Variants in PARD3B observed in about 807,000 individuals in gnomAD.
The protein encoded by PARD3B is partitioning defective 3 homolog B.
A neutral mutation model predicts 130.2 loss-of-function variants in PARD3B; 103 were observed. That is an observed-to-expected ratio of 0.79 (90% CI 0.67 to 0.93). The LOEUF is 0.93. Among genes scored for constraint, PARD3B ranks in the 40% least tolerant of loss-of-function variants. The pLI is 0.00. For synonymous variants in PARD3B, 583 were observed against 553.2 expected (o/e 1.05, Z -0.76); for missense variants, 1,609 against 1,499.2 (o/e 1.07, Z -1.21).
intron 21 of PARD3B, among the ~76,000 whole-genome samples, chr2:205,509,558 G>A (rs748014502): frequency 6.6e-6 from 1 of 152,122 alleles, no homozygotes; most frequent in African/African-American, 2.4e-5. Context: ...ACCATTCTCA[G>A]TACAGATAGT....
chr2:204,807,668 G>A (rs542644112), intron 2 of PARD3B, among the ~76,000 whole-genome samples: 2 of 152,176 alleles, frequency 1.3e-5, no homozygotes, highest in East Asian at 1.9e-4. Flanking sequence ...AAAAAAGAAC[G>A]AAAGCCTATC....
chr2:205,106,217 G>T (rs956145350), intron 5 of PARD3B, among the ~76,000 whole-genome samples: 1 of 151,688 alleles, frequency 6.6e-6, no homozygotes, highest in Non-Finnish European at 1.5e-5. Flanking sequence ...GCGTGATCTC[G>T]GCTCACCGCA....
At chr2:205,040,648 ACTT>A (rs1398360038) in intron 3 of PARD3B, among the ~76,000 whole-genome samples, 20 of 152,178 alleles carry the variant, frequency 1.3e-4, no homozygotes, top group African/African-American at 4.6e-4. Context: ...GTTTTTTTCT[ACTT>A]CTTTCTCTCT....
intron 15 of PARD3B, among the ~76,000 whole-genome samples, chr2:205,216,644 C>T (rs988335998): frequency 3.3e-5 from 5 of 152,152 alleles, no homozygotes; most frequent in East Asian, 1.9e-4. Flanking sequence ...ATGCTTACTT[C>T]GTATCATTGA....
chr2:205,452,039 G>A (rs2048121834), intron 20 of PARD3B, among the ~76,000 whole-genome samples: 1 of 152,156 alleles, frequency 6.6e-6, no homozygotes, highest in African/African-American at 2.4e-5. Flanking sequence ...CACTGAAAAA[G>A]CATGTGCTTT....
rs1426678375 is a variant in PARD3B, at chr2:205,268,173, C to A, written c.2185+22351C>A. 6.6e-6 allele frequency among the ~76,000 whole-genome samples: 1 copy of A among 152,110 alleles called. No individual in the cohort carries two copies. Among genetic ancestry groups the A allele is most frequent in the Non-Finnish European group, 1.5e-5 (1 of 68,018 alleles). On this transcript the variant is annotated intron_variant, in intron 16 of 22. Transcript: ENST00000406610. This position sits in a 1 kb window ranked among gnomAD's most constrained non-coding sequence, Gnocchi z 4.1. The stretch of plus-strand genomic sequence containing the variant: ...CTGCAAGAACTCATTAATACCAAGC[C>A]CAAGAAGGAACTGCTGATCATCAGG...
chr2:204,895,035 G>T (rs1453273167), intron 2 of PARD3B, among the ~76,000 whole-genome samples: 1 of 139,650 alleles, frequency 7.2e-6, no homozygotes, highest in Admixed American at 6.9e-5. Context: ...GAAAAGTAGA[G>T]AATTAAGGAG....
intron 3 of PARD3B, among the ~76,000 whole-genome samples, chr2:205,000,612 T>C (rs1440218516): frequency 2.0e-5 from 3 of 152,220 alleles, no homozygotes; most frequent in Non-Finnish European, 4.4e-5. Flanking sequence ...ATATACATTT[T>C]ATAATCATAT....
rs1178905141 is a variant in PARD3B at position 204,994,306 on chromosome 2, C to T, written c.394+28983C>T. 1.7e-4 allele frequency among the ~76,000 whole-genome samples: 18 copies of T among 104,898 alleles called. No homozygotes were observed. In the East Asian group the frequency reaches 3.3e-3, roughly 19 times the overall value. 68.8% of individuals were successfully genotyped at this position (104,898 alleles called of 152,430 possible). ...CTTTGTTCTCGTTGGTTTCAAAGAA[C>T]ATCTTTATTTCTGCCTTCATTTCGT... On this transcript the variant is annotated intron_variant, in intron 3 of 22. Transcript: ENST00000406610.
chr2:204,601,130 C>T (rs998376082), intron 1 of PARD3B, among the ~76,000 whole-genome samples: 4 of 151,864 alleles, frequency 2.6e-5, no homozygotes, highest in Non-Finnish European at 5.9e-5. Flanking sequence ...CATATAACCT[C>T]GTTTTCTACT....
chr2:205,174,908 A>G (rs1442995967), intron 12 of PARD3B, among the ~76,000 whole-genome samples: 1 of 152,236 alleles, frequency 6.6e-6, no homozygotes, highest in Non-Finnish European at 1.5e-5. Flanking sequence ...TTTTCAAAGG[A>G]TGAGCTTGAG....
In PARD3B at chr2:205,124,335, G is replaced by C; in HGVS notation, c.1174G>C (p.Gly392Arg). The change falls in exon 9 of 23, where the codon GGA becomes CGA. Residue 392 changes from glycine (G) to arginine (R), a missense_variant. By Grantham distance (125) the Gly-to-Arg change is moderately radical (BLOSUM62 -2). Transcript: ENST00000406610. ...CTGTTCTTATACACTAGGCCCTGAA[G>C]GACTTGGTTTCACTGTGGTTACCAG... ...IKIDLKKGPE[G>R]LGFTVVTRDS... is the part of the protein sequence containing the mutation. 1 of 1,562,378 alleles carries C rather than the reference G, an allele frequency of 6.4e-7. No homozygotes were observed. Among genetic ancestry groups the C allele is most frequent in the Non-Finnish European group, 8.7e-7 (1 of 1,153,122 alleles).
chr2:204,695,437 C>T (rs189302244), intron 2 of PARD3B, among the ~76,000 whole-genome samples: 10 of 152,052 alleles, frequency 6.6e-5, no homozygotes, highest in East Asian at 1.9e-4. Flanking sequence ...TGATTCAGAT[C>T]GTGCTCCACT....
Position 204,720,902 on chromosome 2 carries a change from T to G in PARD3B, c.222+34620T>G, listed in dbSNP as rs74635179. 2.0e-3 allele frequency among the ~76,000 whole-genome samples: 305 copies of G among 152,238 alleles called. 3 individuals are homozygous for G. The highest frequency in any genetic ancestry group is 7.1e-3 in the African/African-American group (295 of 41,544). ...TTCTTTTCATCACTCTACCATGCTTTAGCAGTAACCCTGTCTATATACTAG... is the reference window on the plus strand; with the variant it reads ...TTCTTTTCATCACTCTACCATGCTTGAGCAGTAACCCTGTCTATATACTAG... On this transcript the variant is annotated intron_variant, in intron 2 of 22. Transcript: ENST00000406610.
chr2:205,395,256 T>G (rs849232), intron 18 of PARD3B, among the ~76,000 whole-genome samples: 113,514 of 152,116 alleles, frequency 0.75, 45,847 homozygotes, highest in East Asian at 0.96. Flanking sequence ...CCTACATGGC[T>G]TCTGTTCACA....
intron 2 of PARD3B, among the ~76,000 whole-genome samples, chr2:204,899,995 C>T (rs1329617680): frequency 6.6e-6 from 1 of 151,782 alleles, no homozygotes; most frequent in Non-Finnish European, 1.5e-5. Context: ...TATTGGACTT[C>T]GTTTGTGTAT....
At chr2:204,938,971 A>G (rs1688677299) in intron 2 of PARD3B, among the ~76,000 whole-genome samples, 1 of 152,186 alleles carries the variant, frequency 6.6e-6, no homozygotes, top group Non-Finnish European at 1.5e-5. Flanking sequence ...AATACAAAAC[A>G]TCACAGCTCC....
At chr2:205,609,442 C>T (rs534183824) in intron 22 of PARD3B, among the ~76,000 whole-genome samples, 1 of 152,286 alleles carries the variant, frequency 6.6e-6, no homozygotes, top group South Asian at 2.1e-4. Flanking sequence ...ACAGGCACCT[C>T]TCTTAGACAG....
In PARD3B at chr2:205,229,060, CT is replaced by C. The variant is rs1341573531; in HGVS notation, c.2141-16717del. On this transcript the variant is annotated intron_variant, in intron 15 of 22. Coordinates refer to ENST00000406610, the MANE Select transcript of PARD3B (RefSeq NM_001302769.2). This position sits in a 1 kb window ranked among gnomAD's most constrained non-coding sequence, Gnocchi z 5.2. ...TTCCTCAAAACAGCTATTTTGAATT[CT>C]GTATCTGAAAGGTCACTTATGTCTG... is the stretch of plus-strand genomic sequence containing the variant. Among the ~76,000 whole-genome samples, 1 of 152,186 alleles carries C rather than the reference CT, an allele frequency of 6.6e-6. No homozygotes were observed. Among genetic ancestry groups the C allele is most frequent in the Non-Finnish European group, 1.5e-5 (1 of 68,028 alleles).
Sources: gnomAD v4.1 joint callset for allele counts (sites outside exome capture counted in the v4.1 genomes callset) on GRCh38, gnomAD v4.1.1 for gene constraint, Gnocchi (gnomAD v3.1) non-coding constraint, MANE v1.5 for transcripts, NCBI Gene and HGNC (gene_info 2026-07-23, HGNC 2026-07-21) for gene names.